ZBTB20: variants seen among roughly 807,000 people sequenced by gnomAD.
ZBTB20 encodes the protein zinc finger and BTB domain-containing protein 20.
A neutral mutation model predicts 56.9 loss-of-function variants in ZBTB20; 9 were observed. The ratio of observed to expected loss-of-function variants is 0.16; its 90% CI spans 0.10 to 0.28. The LOEUF is 0.28. Ranked by LOEUF, ZBTB20 falls within the 10% of genes least tolerant of loss-of-function variation. The probability of loss-of-function intolerance (pLI) is 1.00; values close to 1 mark genes in which losing one functional copy is unlikely to be tolerated. For synonymous variants in ZBTB20, 417 were observed against 420.7 expected, an observed-to-expected ratio of 0.99 and a Z score of 0.11; for missense variants, 655 against 1,003.0, an observed-to-expected ratio of 0.65 and a Z score of 4.69.
At position 114,326,409 on chromosome 3, in the gene ZBTB20, C is replaced by G. The variant is rs2079066643; in HGVS notation, c.*12596G>C. The G allele has an allele frequency of 6.6e-6, 1 of 152,030 alleles. No homozygotes were observed. The highest frequency in any genetic ancestry group is 2.4e-5 in the African/African-American group (1 of 41,370). The allele number at this position is 152,030 out of a possible 1,614,324, so 9.4% of individuals were successfully genotyped here. On this transcript the variant is annotated 3_prime_UTR_variant, in exon 12 of 12. Coordinates refer to ENST00000675478, the MANE Select transcript of ZBTB20 (RefSeq NM_001348800.3). ...AGGTTTTTGTTTTAACTGTTCTATC[C>G]TCAAAGTAAAGAGAGAATTTCTCTC... is the stretch of plus-strand genomic sequence containing the variant.
chr3:114,963,092 A>T (rs2107985948), intron 3 of ZBTB20, among the ~76,000 whole-genome samples: 1 of 151,938 alleles, frequency 6.6e-6, no homozygotes, highest in African/African-American at 2.4e-5. Flanking sequence ...AAATAAATTT[A>T]CATATTTTCA....
intron 6 of ZBTB20, among the ~76,000 whole-genome samples, chr3:114,570,056 T>C (rs549586485): frequency 1.3e-5 from 2 of 152,284 alleles, no homozygotes; most frequent in Non-Finnish European, 2.9e-5. Flanking sequence ...ACTTCAATAG[T>C]ATAAAGGGTA....
intron 5 of ZBTB20, among the ~76,000 whole-genome samples, chr3:114,787,364 T>TACAC (rs1181356405): frequency 4.4e-4 from 44 of 99,562 alleles, no homozygotes; most frequent in African/African-American, 1.9e-3. Flanking sequence ...TATATATATA[T>TACAC]ATATACACAC....
At chr3:115,097,973 A>T (rs899740835) in intron 1 of ZBTB20, among the ~76,000 whole-genome samples, 19 of 152,382 alleles carry the variant, frequency 1.2e-4, no homozygotes, top group Middle Eastern at 3.4e-3. Context: ...TGCAAAAGAA[A>T]ACATATACAC....
intron 5 of ZBTB20, among the ~76,000 whole-genome samples, chr3:114,769,202 T>G (rs2068995689): frequency 6.6e-6 from 1 of 152,152 alleles, no homozygotes; most frequent in Admixed American, 6.5e-5. Flanking sequence ...ACCGTTGAGT[T>G]AAGCCTGTGT....
chr3:115,119,266 A>C (rs1217834033), intron 1 of ZBTB20, among the ~76,000 whole-genome samples: 1 of 152,218 alleles, frequency 6.6e-6, no homozygotes, highest in Non-Finnish European at 1.5e-5. Context: ...CAGATTGCTT[A>C]AGTTCAAATC....
chr3:114,958,890 G>A (rs1274506818), intron 3 of ZBTB20, among the ~76,000 whole-genome samples: 1 of 151,554 alleles, frequency 6.6e-6, no homozygotes, highest in Admixed American at 6.6e-5. Context: ...GTAATAATAG[G>A]CATTTTGAAG....
chr3:115,088,291 A>G (rs1053087051), intron 1 of ZBTB20, among the ~76,000 whole-genome samples: 6 of 151,850 alleles, frequency 4.0e-5, no homozygotes, highest in African/African-American at 1.4e-4. Flanking sequence ...ACAGTATTCT[A>G]AAAGAATGCC....
At chr3:114,796,437 C>T (rs1399877078) in intron 5 of ZBTB20, among the ~76,000 whole-genome samples, 1 of 151,938 alleles carries the variant, frequency 6.6e-6, no homozygotes, top group Non-Finnish European at 1.5e-5. Context: ...GATTGTTATA[C>T]ACAGAATTAT....
chr3:114,535,759 C>T (rs748088327), intron 6 of ZBTB20, among the ~76,000 whole-genome samples: 1 of 152,152 alleles, frequency 6.6e-6, no homozygotes, highest in Non-Finnish European at 1.5e-5. Context: ...TACTGGCAAA[C>T]CGAATCCAGC....
intron 6 of ZBTB20, among the ~76,000 whole-genome samples, chr3:114,522,980 G>C (rs1023178124): frequency 6.6e-6 from 1 of 152,000 alleles, no homozygotes; most frequent in Non-Finnish European, 1.5e-5. Flanking sequence ...CATAAGCTTG[G>C]GTGCAAATAT....
intron 3 of ZBTB20, among the ~76,000 whole-genome samples, chr3:114,967,086 G>A (rs1014140654): frequency 6.6e-6 from 1 of 152,002 alleles, no homozygotes; most frequent in African/African-American, 2.4e-5. Flanking sequence ...AATACAAAGA[G>A]GTGGTTGTGT....
intron 4 of ZBTB20, among the ~76,000 whole-genome samples, chr3:114,879,671 C>T (rs2076323578): frequency 6.6e-6 from 1 of 152,132 alleles, no homozygotes; most frequent in South Asian, 2.1e-4. Context: ...TTAGATCTTC[C>T]TTATTTATAC....
At chr3:115,089,602 GA>G (rs2108568706) in intron 1 of ZBTB20, among the ~76,000 whole-genome samples, 1 of 151,878 alleles carries the variant, frequency 6.6e-6, no homozygotes, top group South Asian at 2.1e-4. Context: ...AAGATTTACT[GA>G]ATGAGGAAAA....
intron 5 of ZBTB20, among the ~76,000 whole-genome samples, chr3:114,763,323 C>G (rs2068562676): frequency 1.3e-5 from 2 of 152,096 alleles, no homozygotes; most frequent in African/African-American, 4.8e-5. Flanking sequence ...CATGGCTAGT[C>G]CATAAGAAGA....
intron 10 of ZBTB20, among the ~76,000 whole-genome samples, chr3:114,371,962 A>C (rs1362626565): frequency 6.6e-6 from 1 of 152,182 alleles, no homozygotes; most frequent in Middle Eastern, 3.2e-3. Flanking sequence ...TGAAGTAATA[A>C]GGTATGTGAT....
At chr3:114,539,281 G>A (rs1431429748) in intron 6 of ZBTB20, among the ~76,000 whole-genome samples, 2 of 151,940 alleles carry the variant, frequency 1.3e-5, no homozygotes, top group African/African-American at 2.4e-5. Context: ...TAAGTCTCAC[G>A]GTTTACTTCT....
chr3:114,956,420 T>A lies in ZBTB20; in HGVS notation c.-456+17946A>T, dbSNP rs72960329. Among the ~76,000 whole-genome samples, 913 of 152,290 alleles carry A rather than the reference T, an allele frequency of 6.0e-3. 13 individuals carry two copies. Among genetic ancestry groups the A allele is most frequent in the African/African-American group, 0.021 (882 of 41,564 alleles). On this transcript the variant is annotated intron_variant, in intron 3 of 11. Coordinates refer to ENST00000675478, the MANE Select transcript of ZBTB20 (RefSeq NM_001348800.3). ...TGACTTAGACTTTAAGACAGCAAGGTAGACATCCTGGAAATAGGCCAATAA... is the reference window on the plus strand; with the variant it reads ...TGACTTAGACTTTAAGACAGCAAGGAAGACATCCTGGAAATAGGCCAATAA...
intron 6 of ZBTB20, among the ~76,000 whole-genome samples, chr3:114,533,347 G>T (rs1156241359): frequency 6.6e-6 from 1 of 151,696 alleles, no homozygotes; most frequent in South Asian, 2.1e-4. Context: ...TGAAGCATAC[G>T]CAAGTACCAA....
Sources: allele counts gnomAD v4.1 joint callset (sites outside exome capture counted in the v4.1 genomes callset), GRCh38; gene constraint gnomAD v4.1.1; transcripts MANE v1.5; gene names NCBI Gene and HGNC (gene_info 2026-07-23, HGNC 2026-07-21).